The following CDK6 variants were observed in gnomAD, a reference collection of about 807,000 sequenced individuals.
CDK6 encodes the protein cyclin-dependent kinase 6.
Under a neutral mutation model 37.1 loss-of-function variants are expected in CDK6, and 6 were observed. That is an observed-to-expected ratio of 0.16 (90% CI 0.09 to 0.32). The LOEUF (loss-of-function observed/expected upper bound fraction) is 0.32. Among genes scored for constraint, CDK6 ranks in the 10% least tolerant of loss-of-function variants. CDK6 has a pLI of 1.00. For missense variants in CDK6, 224 were observed against 418.9 expected (o/e 0.53, Z 4.06); for synonymous variants, 160 against 161.3 (o/e 0.99, Z 0.06).
chr7:92,725,116 C>T (rs1340456560), intron 4 of CDK6: 6 of 985,254 alleles, frequency 6.1e-6, no homozygotes, highest in Non-Finnish European at 7.2e-6. Flanking sequence ...CCTGGCATGG[C>T]GGTGCTCTAC....
chr7:92,726,420 G>GT (rs774986183), intron 3 of CDK6, among the ~76,000 whole-genome samples: 108 of 151,382 alleles, frequency 7.1e-4, no homozygotes, highest in Non-Finnish European at 1.1e-3. Context: ...TTAACTGTTT[G>GT]TTTTTTTTTA....
intron 6 of CDK6, among the ~76,000 whole-genome samples, chr7:92,619,244 G>T (rs1446383271): frequency 6.6e-6 from 1 of 152,106 alleles, no homozygotes; most frequent in Non-Finnish European, 1.5e-5. Flanking sequence ...TGAACTGCTT[G>T]TATCTATGTA....
At chr7:92,629,342 AATTT>A (rs1220057155) in intron 5 of CDK6, among the ~76,000 whole-genome samples, 13 of 152,056 alleles carry the variant, frequency 8.5e-5, no homozygotes, top group Non-Finnish European at 1.6e-4. Context: ...CGATGTGAAT[AATTT>A]ATTTATCCAC....
chr7:92,626,740 G>T (rs1286481910), intron 5 of CDK6, among the ~76,000 whole-genome samples: 1 of 151,924 alleles, frequency 6.6e-6, no homozygotes, highest in African/African-American at 2.4e-5. Context: ...AGAACTTGAT[G>T]GAAATGTGAA....
At chr7:92,750,635 A>C (rs1799167005) in intron 3 of CDK6, among the ~76,000 whole-genome samples, 1 of 152,234 alleles carries the variant, frequency 6.6e-6, no homozygotes, top group South Asian at 2.1e-4. Context: ...AAGTAACACA[A>C]ATAAATGAAT....
intron 2 of CDK6, among the ~76,000 whole-genome samples, chr7:92,802,518 T>A (rs1800606688): frequency 6.6e-6 from 1 of 152,178 alleles, no homozygotes; most frequent in African/African-American, 2.4e-5. Flanking sequence ...TACTTAACAA[T>A]CATTCTCTCC....
intron 5 of CDK6, among the ~76,000 whole-genome samples, chr7:92,658,792 T>C (rs7804722): frequency 0.21 from 32,432 of 152,170 alleles, 4,210 homozygotes; most frequent in Middle Eastern, 0.37. Context: ...CTAACAGGCA[T>C]GGAAATCTCC....
chr7:92,644,938 G>A (rs1392689365), intron 5 of CDK6, among the ~76,000 whole-genome samples: 1 of 152,204 alleles, frequency 6.6e-6, no homozygotes, highest in Non-Finnish European at 1.5e-5. Context: ...AGTGCTGCAT[G>A]TCCAAAGAGG....
intron 2 of CDK6, among the ~76,000 whole-genome samples, chr7:92,828,650 TA>T (rs962964406): frequency 6.6e-6 from 1 of 152,216 alleles, no homozygotes; most frequent in Non-Finnish European, 1.5e-5. Context: ...ACCCATGTCT[TA>T]AACATAGGAA....
chr7:92,605,981 G>A lies in CDK6; in HGVS notation c.*9159C>T, dbSNP rs1300253235. 1 of 233,526 alleles carries A rather than the reference G, an allele frequency of 4.3e-6. No individual in the cohort carries two copies. Among genetic ancestry groups the A allele is most frequent in the Non-Finnish European group, 8.5e-6 (1 of 118,030 alleles). 14.5% of individuals were successfully genotyped at this position (233,526 alleles called of 1,614,324 possible). A position where few individuals can be genotyped will look rare whatever the true frequency, so the allele number is the denominator to read the frequency against. On this transcript the variant is annotated 3_prime_UTR_variant, in exon 8 of 8. Transcript: ENST00000424848. ...AGTGAATTTCCACACTGCTTCTTGGGTCTGCAGAACTCAAAGCACCAAAAC... is the reference window on the plus strand; with the variant it reads ...AGTGAATTTCCACACTGCTTCTTGGATCTGCAGAACTCAAAGCACCAAAAC...
chr7:92,637,400 C>G (rs1275181341), intron 5 of CDK6, among the ~76,000 whole-genome samples: 1 of 152,062 alleles, frequency 6.6e-6, no homozygotes, highest in Admixed American at 6.6e-5. Context: ...CAGATTCTTT[C>G]AAACTATAAA....
chr7:92,620,424 G>GAT (rs1795783251), intron 6 of CDK6, among the ~76,000 whole-genome samples: 1 of 152,152 alleles, frequency 6.6e-6, no homozygotes. Context: ...CAAAGTCACA[G>GAT]ATAGCAAGCT....
chr7:92,831,604 GA>G (rs1037087755), intron 2 of CDK6, among the ~76,000 whole-genome samples: 12 of 152,034 alleles, frequency 7.9e-5, no homozygotes, highest in African/African-American at 2.7e-4. Flanking sequence ...AAATACACAT[GA>G]AAAAAAGTCA....
chr7:92,698,424 T>C (rs907615757), intron 4 of CDK6, among the ~76,000 whole-genome samples: 3 of 152,192 alleles, frequency 2.0e-5, no homozygotes, highest in African/African-American at 7.2e-5. Flanking sequence ...ATTCCTGATA[T>C]ATGCTGTAAT....
intron 6 of CDK6, among the ~76,000 whole-genome samples, chr7:92,621,707 A>G (rs1023187836): frequency 6.6e-6 from 1 of 152,228 alleles, no homozygotes; most frequent in Non-Finnish European, 1.5e-5. Flanking sequence ...CTTGCCATTC[A>G]GAAGCAGGGG....
intron 2 of CDK6, among the ~76,000 whole-genome samples, chr7:92,824,218 T>C (rs1379210582): frequency 1.3e-5 from 2 of 151,448 alleles, no homozygotes; most frequent in Non-Finnish European, 2.9e-5. Context: ...ATAGAACTCT[T>C]AACGATTTAA....
At chr7:92,649,201 G>T (rs952618747) in intron 5 of CDK6, among the ~76,000 whole-genome samples, 1 of 152,118 alleles carries the variant, frequency 6.6e-6, no homozygotes, top group Non-Finnish European at 1.5e-5. Context: ...AGTATTGACC[G>T]ATCATTTCAC....
At chr7:92,700,054 G>T (rs1168454686) in intron 4 of CDK6, among the ~76,000 whole-genome samples, 1 of 152,162 alleles carries the variant, frequency 6.6e-6, no homozygotes, top group African/African-American at 2.4e-5. Flanking sequence ...AACTCCACAG[G>T]GGTGAGGCGG....
At position 92,833,414 on chromosome 7, in the gene CDK6, T is replaced by A; in HGVS notation, c.-91A>T. 1 of 853,614 alleles carries A rather than the reference T, an allele frequency of 1.2e-6. No homozygotes were observed. Among genetic ancestry groups the A allele is most frequent in the Admixed American group, 2.9e-5 (1 of 34,324 alleles). 52.9% of individuals were successfully genotyped at this position (853,614 alleles called of 1,614,324 possible). The stretch of plus-strand genomic sequence containing the variant: ...GGCCGCCGCTCGCCTACTCCGGGGC[T>A]CCCCGGAGATCGGTCTAGCTTTACT... On this transcript the variant is annotated 5_prime_UTR_variant, in exon 2 of 8. Transcript: ENST00000424848. This position sits in a 1 kb window ranked among gnomAD's most constrained non-coding sequence, Gnocchi z 6.1.
Sources: gnomAD v4.1 joint callset for allele counts (sites outside exome capture counted in the v4.1 genomes callset) on GRCh38, gnomAD v4.1.1 for gene constraint, Gnocchi (gnomAD v3.1) non-coding constraint, MANE v1.5 for transcripts, NCBI Gene and HGNC (gene_info 2026-07-23, HGNC 2026-07-21) for gene names.